The following SNTG1 variants were observed in gnomAD, a reference collection of about 807,000 sequenced individuals.
SNTG1 encodes gamma-1-syntrophin.
A neutral mutation model predicts 74.7 loss-of-function variants in SNTG1; 39 were observed. The ratio of observed to expected loss-of-function variants is 0.52; its 90% CI spans 0.40 to 0.68. The LOEUF (loss-of-function observed/expected upper bound fraction) is 0.68, where lower values mean the gene tolerates loss of function less well. Ranked by LOEUF, SNTG1 falls within the 30% of genes least tolerant of loss-of-function variation. The probability of loss-of-function intolerance (pLI) is 0.00; values close to 1 mark genes in which losing one functional copy is unlikely to be tolerated. For missense variants in SNTG1, 685 were observed against 609.5 expected (o/e 1.12, Z -1.30); for synonymous variants, 254 against 217.1 (o/e 1.17, Z -1.49).
intron 1 of SNTG1, among the ~76,000 whole-genome samples, chr8:50,042,433 C>A (rs961322438): frequency 6.6e-6 from 1 of 152,150 alleles, no homozygotes. Flanking sequence ...GGGCTGGGAG[C>A]TCCTGTAGTC....
intron 12 of SNTG1, among the ~76,000 whole-genome samples, chr8:50,568,029 C>T (rs1366450030): frequency 6.6e-6 from 1 of 152,034 alleles, no homozygotes; most frequent in African/African-American, 2.4e-5. Context: ...GTTCTGGTAA[C>T]CAATAACCAA....
chr8:49,968,726 C>T (rs1240892397), intron 1 of SNTG1, among the ~76,000 whole-genome samples: 1 of 152,112 alleles, frequency 6.6e-6, no homozygotes, highest in Non-Finnish European at 1.5e-5. Flanking sequence ...ATGAAGACTT[C>T]TCCATGAAAG....
chr8:50,307,629 T>C (rs949050831), intron 2 of SNTG1, among the ~76,000 whole-genome samples: 2 of 152,182 alleles, frequency 1.3e-5, no homozygotes, highest in Admixed American at 1.3e-4. Flanking sequence ...ATTTTACTTT[T>C]CATCATCTTC....
chr8:50,747,171 A>C (rs1316910044), intron 17 of SNTG1, among the ~76,000 whole-genome samples: 1 of 151,896 alleles, frequency 6.6e-6, no homozygotes, highest in Non-Finnish European at 1.5e-5. Context: ...TGGAGCTACA[A>C]ATCTGGAAAA....
At chr8:50,382,565 C>T (rs549853256) in intron 2 of SNTG1, among the ~76,000 whole-genome samples, 157 of 152,114 alleles carry the variant, frequency 1.0e-3, no homozygotes, top group Non-Finnish European at 1.8e-3. Flanking sequence ...GGGTAGCTCA[C>T]GGAATCCAGA....
intron 2 of SNTG1, among the ~76,000 whole-genome samples, chr8:50,295,270 T>C (rs879686496): frequency 6.6e-6 from 1 of 152,150 alleles, no homozygotes; most frequent in South Asian, 2.1e-4. Context: ...CTACAAATAA[T>C]GGCAACGTTG....
intron 15 of SNTG1, among the ~76,000 whole-genome samples, chr8:50,678,425 T>C (rs2095317761): frequency 6.6e-6 from 1 of 152,090 alleles, no homozygotes; most frequent in Non-Finnish European, 1.5e-5. Flanking sequence ...TCTTACTATA[T>C]CCAGACAAGT....
At chr8:50,182,648 G>A (rs1253136431) in intron 2 of SNTG1, among the ~76,000 whole-genome samples, 2 of 152,156 alleles carry the variant, frequency 1.3e-5, no homozygotes, top group East Asian at 3.9e-4. Flanking sequence ...GTGCGTGTGT[G>A]TGTACACCAG....
rs78155801 is a variant in SNTG1 at position 50,287,801 on chromosome 8, T to C, written c.-27-106411T>C. Among the ~76,000 whole-genome samples, 615 of 152,264 alleles carry C rather than the reference T, an allele frequency of 4.0e-3. 5 individuals are homozygous for C. The highest frequency in any genetic ancestry group is 0.014 in the African/African-American group (593 of 41,538). On this transcript the variant is annotated intron_variant, in intron 2 of 18. Transcript: ENST00000642720. ...ACTCATCTATCTCCTCATGGTAGAC[T>C]CTGGTGACAACATTCCATACCATGT... is the stretch of plus-strand genomic sequence containing the variant.
At chr8:50,461,188 TG>T (rs1164626571) in intron 8 of SNTG1, among the ~76,000 whole-genome samples, 2 of 151,278 alleles carry the variant, frequency 1.3e-5, no homozygotes, top group East Asian at 1.9e-4. Flanking sequence ...TGTGTGTGTG[TG>T]TGTGTGTGTG....
intron 8 of SNTG1, among the ~76,000 whole-genome samples, chr8:50,493,986 C>T (rs975964756): frequency 4.6e-5 from 7 of 151,306 alleles, no homozygotes; most frequent in African/African-American, 1.2e-4. Context: ...TGGAGGGTTG[C>T]GGGGGATATG....
In SNTG1 at chr8:50,599,777, T is replaced by C. The variant is rs576997404; in HGVS notation, c.849+8860T>C. Among the ~76,000 whole-genome samples the C allele has an allele frequency of 1.5e-4, 23 of 152,254 alleles. No homozygotes were observed. In the East Asian group the frequency reaches 3.7e-3, roughly 24 times the overall value. On this transcript the variant is annotated intron_variant, in intron 13 of 18. Coordinates refer to ENST00000642720, the MANE Select transcript of SNTG1 (RefSeq NM_018967.5). The stretch of plus-strand genomic sequence containing the variant: ...ACAAGGATAATTTGACTTCTTCTTT[T>C]CCAATTTCGATGCTGTTTATTTCTT...
intron 12 of SNTG1, among the ~76,000 whole-genome samples, chr8:50,557,926 C>T (rs1203895691): frequency 1.3e-5 from 2 of 152,156 alleles, no homozygotes; most frequent in East Asian, 1.9e-4. Context: ...GGGGTGGGCC[C>T]AGAGCTTCTT....
intron 1 of SNTG1, among the ~76,000 whole-genome samples, chr8:50,106,391 A>T (rs1216602433): frequency 6.6e-6 from 1 of 152,154 alleles, no homozygotes. Flanking sequence ...ATTGGGAATT[A>T]TAATTCAACA....
chr8:50,065,550 A>G (rs1820831583), intron 1 of SNTG1, among the ~76,000 whole-genome samples: 1 of 152,184 alleles, frequency 6.6e-6, no homozygotes, highest in Non-Finnish European at 1.5e-5. Context: ...TGACTCTATT[A>G]TATTTTGCTT....
chr8:49,990,999 AG>A (rs1297074821), intron 1 of SNTG1, among the ~76,000 whole-genome samples: 2 of 152,282 alleles, frequency 1.3e-5, no homozygotes, highest in Non-Finnish European at 2.9e-5. Flanking sequence ...AGAGAATCAA[AG>A]GGCAGCCTAG....
At chr8:50,777,251 T>G (rs1326853692) in intron 18 of SNTG1, among the ~76,000 whole-genome samples, 2 of 147,584 alleles carry the variant, frequency 1.4e-5, no homozygotes, top group Non-Finnish European at 3.0e-5. Context: ...ATAATATATA[T>G]AATATATATA....
chr8:50,172,399 C>T (rs1241652398), intron 1 of SNTG1, among the ~76,000 whole-genome samples, 162 bp from the exon 2 acceptor site: 1 of 152,078 alleles, frequency 6.6e-6, no homozygotes, highest in Non-Finnish European at 1.5e-5. Context: ...TTGAGCTATT[C>T]CTAGAAATTG....
intron 2 of SNTG1, among the ~76,000 whole-genome samples, chr8:50,365,329 A>C (rs1481790326): frequency 6.6e-6 from 1 of 152,162 alleles, no homozygotes; most frequent in African/African-American, 2.4e-5. Context: ...CTAAGGCAAA[A>C]GCAAACCAAA....
Sources: allele counts gnomAD v4.1 joint callset (sites outside exome capture counted in the v4.1 genomes callset), GRCh38; gene constraint gnomAD v4.1.1; transcripts MANE v1.5; gene names NCBI Gene and HGNC (gene_info 2026-07-23, HGNC 2026-07-21).